Variants in DPP10 observed in about 807,000 individuals in gnomAD.
DPP10 encodes inactive dipeptidyl peptidase 10.
A neutral mutation model predicts 120.9 loss-of-function variants in DPP10; 33 were observed. The ratio of observed to expected loss-of-function variants is 0.27; its 90% CI spans 0.21 to 0.37. DPP10 has a LOEUF of 0.37. Among genes scored for constraint, DPP10 ranks in the 10% least tolerant of loss-of-function variants. The pLI is 1.00. For synonymous variants in DPP10, 337 were observed against 326.1 expected, an observed-to-expected ratio of 1.03 and a Z score of -0.36; for missense variants, 816 against 942.8, an observed-to-expected ratio of 0.87 and a Z score of 1.76.
intron 1 of DPP10, among the ~76,000 whole-genome samples, chr2:114,551,432 A>G (rs942561741): frequency 6.6e-6 from 1 of 152,228 alleles, no homozygotes; most frequent in Non-Finnish European, 1.5e-5. Flanking sequence ...TAGGAGAATG[A>G]CACGTGTTCT....
chr2:115,713,859 T>C (rs933775157), intron 7 of DPP10, among the ~76,000 whole-genome samples: 1 of 152,182 alleles, frequency 6.6e-6, no homozygotes, highest in African/African-American at 2.4e-5. Context: ...CATCATCTCT[T>C]TTAATCTCTT....
chr2:114,765,528 C>T (rs759839412), intron 1 of DPP10, among the ~76,000 whole-genome samples: 2 of 151,900 alleles, frequency 1.3e-5, no homozygotes, highest in African/African-American at 4.8e-5. Context: ...GCATTGTGGC[C>T]GAGGACAGGC....
At chr2:114,824,168 T>C (rs1193312636) in intron 1 of DPP10, among the ~76,000 whole-genome samples, 2 of 152,192 alleles carry the variant, frequency 1.3e-5, no homozygotes, top group East Asian at 1.9e-4. Context: ...CCAAGGATAA[T>C]AGGATGAGCT....
intron 21 of DPP10, among the ~76,000 whole-genome samples, chr2:115,827,384 G>A (rs1189988696): frequency 8.0e-6 from 1 of 125,166 alleles, no homozygotes; most frequent in Non-Finnish European, 1.6e-5. Context: ...TCAGAGGAGG[G>A]CAACTGTGTG....
intron 13 of DPP10, 51 bp downstream of exon 13, chr2:115,768,455 G>A (rs754877858): frequency 1.2e-5 from 19 of 1,526,560 alleles, no homozygotes; most frequent in Middle Eastern, 1.7e-4. Context: ...TCATGTCCCC[G>A]AAGGCCCAGT....
chr2:114,752,269 G>T (rs111672786), intron 1 of DPP10, among the ~76,000 whole-genome samples: 8 of 152,118 alleles, frequency 5.3e-5, no homozygotes, highest in South Asian at 2.1e-4. Context: ...TCAGGGATGG[G>T]AGTCGAAAGA....
intron 24 of DPP10, among the ~76,000 whole-genome samples, chr2:115,838,057 G>T (rs2150126559): frequency 6.6e-6 from 1 of 152,258 alleles, no homozygotes; most frequent in African/African-American, 2.4e-5. Flanking sequence ...TTGTGACAAA[G>T]TATATAATAA....
intron 1 of DPP10, among the ~76,000 whole-genome samples, chr2:114,641,163 A>T (rs777377953): frequency 3.6e-4 from 55 of 151,980 alleles, no homozygotes; most frequent in Admixed American, 2.5e-3. Context: ...GAGAAGGTAA[A>T]CATTTTTCTA....
intron 5 of DPP10, among the ~76,000 whole-genome samples, chr2:115,648,777 T>TCA (rs754932130): frequency 2.0e-5 from 3 of 152,020 alleles, no homozygotes; most frequent in Non-Finnish European, 2.9e-5. Flanking sequence ...AAGTGAGAGT[T>TCA]CAGATTAGTG....
chr2:114,853,327 T>C (rs1165642150), intron 1 of DPP10, among the ~76,000 whole-genome samples: 1 of 152,172 alleles, frequency 6.6e-6, no homozygotes, highest in Non-Finnish European at 1.5e-5. Flanking sequence ...ATTTTTTTTA[T>C]AAGTAAAGCT....
intron 19 of DPP10, among the ~76,000 whole-genome samples, chr2:115,804,690 G>A (rs1685699041): frequency 6.6e-6 from 1 of 152,148 alleles, no homozygotes; most frequent in South Asian, 2.1e-4. Context: ...GTTTACTGGA[G>A]GTCCACTCCA....
Position 114,617,200 on chromosome 2 carries a change from G to C in DPP10, c.60+174362G>C, listed in dbSNP as rs555748141. 4.6e-5 allele frequency among the ~76,000 whole-genome samples: 7 copies of C among 152,104 alleles called. No individual in the cohort carries two copies. The South Asian group carries it at 1.2e-3, about 27-fold the overall frequency. ...GATCCCAGTTTGAATGAAAACAGCC[G>C]AGAAAGACACTGGAAGACAATTGAG... On this transcript the variant is annotated intron_variant, in intron 1 of 25. Coordinates refer to ENST00000410059, the MANE Select transcript of DPP10 (RefSeq NM_020868.6).
chr2:114,998,297 A>G (rs1701226327), intron 1 of DPP10, among the ~76,000 whole-genome samples: 1 of 152,116 alleles, frequency 6.6e-6, no homozygotes, highest in African/African-American at 2.4e-5. Context: ...TTGATGTTTT[A>G]TTTCTCTGAA....
intron 1 of DPP10, among the ~76,000 whole-genome samples, chr2:114,921,990 C>T (rs1230132956): frequency 1.3e-5 from 2 of 152,148 alleles, no homozygotes; most frequent in Non-Finnish European, 2.9e-5. Flanking sequence ...AATATTATGT[C>T]ATCTATTTTG....
chr2:115,806,462 C>T (rs183731579), intron 19 of DPP10, among the ~76,000 whole-genome samples: 11 of 152,126 alleles, frequency 7.2e-5, no homozygotes, highest in Non-Finnish European at 1.5e-4. Flanking sequence ...TGTAAAATTC[C>T]CTATGTTTAT....
chr2:115,351,606 A>G (rs2064041236), intron 3 of DPP10, among the ~76,000 whole-genome samples: 1 of 152,118 alleles, frequency 6.6e-6, no homozygotes, highest in South Asian at 2.1e-4. Flanking sequence ...TTCCTGATTC[A>G]CAGACCAGAG....
In DPP10 at chr2:114,784,304, T is replaced by C. The variant is rs181742861; in HGVS notation, c.60+341466T>C. Among the ~76,000 whole-genome samples, 665 of 152,260 alleles carry C rather than the reference T, an allele frequency of 4.4e-3. 5 individuals are homozygous for C. Among genetic ancestry groups the C allele is most frequent in the African/African-American group, 0.015 (639 of 41,564 alleles). On this transcript the variant is annotated intron_variant, in intron 1 of 25. Coordinates refer to ENST00000410059, the MANE Select transcript of DPP10 (RefSeq NM_020868.6). Reference sequence around the variant, plus strand: ...ATGTAACTTACTCAAGGTCACCCTATTTGTAAGAAACAACAGCATCTGTCC... The same window carrying C: ...ATGTAACTTACTCAAGGTCACCCTACTTGTAAGAAACAACAGCATCTGTCC...
intron 1 of DPP10, among the ~76,000 whole-genome samples, chr2:114,902,860 T>C (rs1372211513): frequency 1.3e-5 from 2 of 152,200 alleles, no homozygotes; most frequent in Non-Finnish European, 2.9e-5. Flanking sequence ...GTACATTCTA[T>C]GGATTTGGAC....
rs186005967 is a variant in DPP10, at chr2:115,660,278, A to C, written c.442-29409A>C. ...TCCCCCTCTCTGTTTCACCTGCTCA[A>C]TGTTTAACATAATCAAGGTGAACTT... On this transcript the variant is annotated intron_variant, in intron 5 of 25. Transcript: ENST00000410059. 1.3e-3 allele frequency among the ~76,000 whole-genome samples: 203 copies of C among 152,216 alleles called. 1 individual carries two copies. Among genetic ancestry groups the C allele is most frequent in the Non-Finnish European group, 2.4e-3 (160 of 68,012 alleles).
Sources: gnomAD v4.1 joint callset for allele counts (sites outside exome capture counted in the v4.1 genomes callset) on GRCh38, gnomAD v4.1.1 for gene constraint, MANE v1.5 for transcripts, NCBI Gene and HGNC (gene_info 2026-07-23, HGNC 2026-07-21) for gene names.